Variants in FAM110D observed in about 807,000 individuals in gnomAD.
The protein encoded by FAM110D is protein FAM110D.
For missense variants in FAM110D, 376 were observed against 395.6 expected, an observed-to-expected ratio of 0.95 and a Z score of 0.42; for synonymous variants, 174 against 189.4, an observed-to-expected ratio of 0.92 and a Z score of 0.67.
chr1:26,160,053 A>G (rs2088347174), intron 1 of FAM110D, among the ~76,000 whole-genome samples: 1 of 151,390 alleles, frequency 6.6e-6, no homozygotes. Flanking sequence ...GTTTTATAGC[A>G]GCGGGAATAC....
At position 26,163,169 on chromosome 1, in the gene FAM110D, C is replaced by T. The variant is rs916017208; in HGVS notation, c.*1062C>T. ...AAAATAAAAAAAGAAAAGAAGGAAA[C>T]CTTTCCTGCCAGCCGGCAGGCTCCT... On this transcript the variant is annotated 3_prime_UTR_variant, in exon 2 of 2. Coordinates refer to ENST00000374268, the MANE Select transcript of FAM110D (RefSeq NM_024869.3). 7 of 152,066 alleles carry T rather than the reference C, an allele frequency of 4.6e-5. No homozygotes were observed. The highest frequency in any genetic ancestry group is 1.7e-4 in the African/African-American group (7 of 41,386). 9.4% of individuals were successfully genotyped at this position (152,066 alleles called of 1,614,324 possible).
In FAM110D at chr1:26,162,415, G is replaced by T; in HGVS notation, c.*308G>T. Reference sequence around the variant, plus strand: ...ATGGGGAGCTGAGGAAGGAGCAAACGGGTTTTCGCGGTTAAACCCGTGGGT... The same window carrying T: ...ATGGGGAGCTGAGGAAGGAGCAAACTGGTTTTCGCGGTTAAACCCGTGGGT... On this transcript the variant is annotated 3_prime_UTR_variant, in exon 2 of 2. Transcript: ENST00000374268. This position sits in a 1 kb window ranked among gnomAD's most constrained non-coding sequence, Gnocchi z 5.3. The T allele has an allele frequency of 4.1e-6, 1 of 244,816 alleles. No homozygotes were observed. The highest frequency in any genetic ancestry group is 8.4e-6 in the Non-Finnish European group (1 of 119,350). The allele number at this position is 244,816 out of a possible 1,614,324, so 15.2% of individuals were successfully genotyped here.
At position 26,161,492 on chromosome 1, in the gene FAM110D, C is replaced by T. The variant is rs757510682; in HGVS notation, c.201C>T (p.Pro67=). ...GGCCCCCTGCATCGCCCAGGACGCC[C>T]AGGCCGGTCCGCCGGGGAAGCGGCA... ...ELGPPASPRT[P]RPVRRGSGRR... is the part of the protein sequence containing the mutation. The change falls in exon 2 of 2, where the codon CCC becomes CCT. Residue 67 remains proline (P), a synonymous_variant. Transcript: ENST00000374268. This position sits in a 1 kb window ranked among gnomAD's most constrained non-coding sequence, Gnocchi z 5.4. The T allele has an allele frequency of 6.4e-7, 1 of 1,553,762 alleles. No individual in the cohort carries two copies. The highest frequency in any genetic ancestry group is 1.9e-5 in the Admixed American group (1 of 51,328).
rs2088362717 is a variant in FAM110D at position 26,161,168 on chromosome 1, G to A, written c.-80-44G>A. 1.0e-6 allele frequency: 1 copy of A among 978,378 alleles called. No individual in the cohort carries two copies. The highest frequency in any genetic ancestry group is 1.5e-6 in the Non-Finnish European group (1 of 671,566). The allele number at this position is 978,378 out of a possible 1,614,324, so 60.6% of individuals were successfully genotyped here. On this transcript the variant is annotated intron_variant, in intron 1 of 1. Transcript: ENST00000374268. The surrounding 1 kb of genome is among the most constrained non-coding windows in gnomAD (Gnocchi z 5.4). ...GAGGAATGCCGGCAGGAGAGGACCAGGGGCATTTCCTACCCTTCCCCTGAC... is the reference window on the plus strand; with the variant it reads ...GAGGAATGCCGGCAGGAGAGGACCAAGGGCATTTCCTACCCTTCCCCTGAC...
At chr1:26,160,915 C>T (rs924610227) in intron 1 of FAM110D, among the ~76,000 whole-genome samples, 2 of 152,242 alleles carry the variant, frequency 1.3e-5, no homozygotes, top group Non-Finnish European at 2.9e-5. Context: ...GGAATTGGGC[C>T]GGGACCAGCC....
In FAM110D at chr1:26,161,670, A is replaced by G; in HGVS notation, c.379A>G (p.Thr127Ala). The G allele has an allele frequency of 2.6e-6, 4 of 1,552,514 alleles. No homozygotes were observed. The highest frequency in any genetic ancestry group is 1.4e-5 in the African/African-American group (1 of 73,288). The change falls in exon 2 of 2, where the codon ACA (threonine) becomes GCA (alanine). Residue 127 changes from threonine (T) to alanine (A), a missense_variant. Physicochemically the swap from Thr to Ala is moderately conservative, Grantham distance 58 (BLOSUM62 0). Coordinates refer to ENST00000374268, the MANE Select transcript of FAM110D (RefSeq NM_024869.3). This position sits in a 1 kb window ranked among gnomAD's most constrained non-coding sequence, Gnocchi z 5.4. ...CGCTGCCCCGAGCAGCCCGGCCTCC[A>G]CAGAGCGACCTGCGGCTTCAGGGGG... ...RDAAPSSPAS[T>A]ERPAASGGWA...
intron 1 of FAM110D, among the ~76,000 whole-genome samples, chr1:26,160,777 G>C (rs1283982926): frequency 3.3e-5 from 5 of 152,202 alleles, no homozygotes; most frequent in Non-Finnish European, 7.3e-5. Flanking sequence ...TTATATCCCC[G>C]ACCTCGGTGT....
chr1:26,162,161 C>T lies in FAM110D; in HGVS notation c.*54C>T, dbSNP rs2088377242. 1.1e-5 allele frequency: 13 copies of T among 1,134,924 alleles called. No homozygotes were observed. The highest frequency in any genetic ancestry group is 1.5e-5 in the Non-Finnish European group (13 of 890,018). 70.3% of individuals were successfully genotyped at this position (1,134,924 alleles called of 1,614,324 possible). On this transcript the variant is annotated 3_prime_UTR_variant, in exon 2 of 2. Transcript: ENST00000374268. The surrounding 1 kb of genome is among the most constrained non-coding windows in gnomAD (Gnocchi z 5.3). ...CTGGCCCCGGGCACGGAAAAGGACA[C>T]CCCTCTTCTGGCGCGCTGGGTGCCT...
chr1:26,161,801 C>G lies in FAM110D; in HGVS notation c.510C>G (p.Gly170=), dbSNP rs1331903371. 3.9e-6 allele frequency: 6 copies of G among 1,550,148 alleles called. No individual in the cohort carries two copies. Among genetic ancestry groups the G allele is most frequent in the Non-Finnish European group, 5.2e-6 (6 of 1,147,928 alleles). ...SEKERFFNYC[G]LERALVEVLG... ...AGGAGCGCTTCTTCAACTACTGCGG[C>G]CTGGAGCGCGCGCTGGTGGAGGTGC... is the stretch of plus-strand genomic sequence containing the variant. Residue 170 remains glycine (G), a synonymous_variant, in exon 2 of 2, where the codon GGC becomes GGG. Coordinates refer to ENST00000374268, the MANE Select transcript of FAM110D (RefSeq NM_024869.3). The surrounding 1 kb of genome is among the most constrained non-coding windows in gnomAD (Gnocchi z 5.4).
chr1:26,161,089 G>A lies in FAM110D; in HGVS notation c.-80-123G>A. On this transcript the variant is annotated intron_variant, in intron 1 of 1. Transcript: ENST00000374268. The surrounding 1 kb of genome is among the most constrained non-coding windows in gnomAD (Gnocchi z 5.4). ...GGGATGGCCTGAGCCTCTGCTCCCT[G>A]GATGTGGCACCGGCTAACCTGGATG... 1.8e-6 allele frequency: 1 copy of A among 555,076 alleles called. No homozygotes were observed. Among genetic ancestry groups the A allele is most frequent in the South Asian group, 2.6e-5 (1 of 38,722 alleles). 34.4% of individuals were successfully genotyped at this position (555,076 alleles called of 1,614,324 possible). A position where few individuals can be genotyped will look rare whatever the true frequency, so the allele number is the denominator to read the frequency against.
chr1:26,161,096 G>A lies in FAM110D; in HGVS notation c.-80-116G>A. 1 of 564,750 alleles carries A rather than the reference G, an allele frequency of 1.8e-6. No homozygotes were observed. Among genetic ancestry groups the A allele is most frequent in the Non-Finnish European group, 3.1e-6 (1 of 324,768 alleles). The allele number at this position is 564,750 out of a possible 1,614,324, so 35.0% of individuals were successfully genotyped here. On this transcript the variant is annotated intron_variant, in intron 1 of 1. Transcript: ENST00000374268. The surrounding 1 kb of genome is among the most constrained non-coding windows in gnomAD (Gnocchi z 5.4). ...CCTGAGCCTCTGCTCCCTGGATGTG[G>A]CACCGGCTAACCTGGATGGGAGAGG...
chr1:26,161,857 G>C lies in FAM110D; in HGVS notation c.566G>C (p.Trp189Ser). The C allele has an allele frequency of 6.6e-7, 1 of 1,513,992 alleles. No homozygotes were observed. Among genetic ancestry groups the C allele is most frequent in the Non-Finnish European group, 8.8e-7 (1 of 1,134,892 alleles). The allele number at this position is 1,513,992 out of a possible 1,614,324, so 93.8% of individuals were successfully genotyped here. A position where few individuals can be genotyped will look rare whatever the true frequency, so the allele number is the denominator to read the frequency against. ...LGAERFSPQSWGADASPQAGT... is the reference protein window; with the variant it reads ...LGAERFSPQSSGADASPQAGT... ...GCAGAGCGCTTCTCCCCGCAGAGCT[G>C]GGGAGCCGACGCCAGCCCGCAGGCC... Residue 189 changes from tryptophan to serine, a missense_variant, in exon 2 of 2, where the codon TGG becomes TCG. By Grantham distance (177) the Trp-to-Ser change is radical. Coordinates refer to ENST00000374268, the MANE Select transcript of FAM110D (RefSeq NM_024869.3). The surrounding 1 kb of genome is among the most constrained non-coding windows in gnomAD (Gnocchi z 5.4).
chr1:26,159,947 C>T (rs2088345993), intron 1 of FAM110D, among the ~76,000 whole-genome samples: 1 of 151,970 alleles, frequency 6.6e-6, no homozygotes, highest in African/African-American at 2.4e-5. Context: ...ACCCTGGGGG[C>T]AAATTTCTGG....
rs2088378304 is a variant in FAM110D at position 26,162,295 on chromosome 1, G to C, written c.*188G>C. 3 of 394,672 alleles carry C rather than the reference G, an allele frequency of 7.6e-6. No homozygotes were observed. Among genetic ancestry groups the C allele is most frequent in the Non-Finnish European group, 1.4e-5 (3 of 218,044 alleles). The allele number at this position is 394,672 out of a possible 1,614,324, so 24.4% of individuals were successfully genotyped here. On this transcript the variant is annotated 3_prime_UTR_variant, in exon 2 of 2. Coordinates refer to ENST00000374268, the MANE Select transcript of FAM110D (RefSeq NM_024869.3). This position sits in a 1 kb window ranked among gnomAD's most constrained non-coding sequence, Gnocchi z 5.3. ...TGCTCCCGCGGCGAAGGGGGAGGGA[G>C]AGGCCTCTTGGTCCCTGTGGAGACC...
At position 26,161,217 on chromosome 1, in the gene FAM110D, T is replaced by G; in HGVS notation, c.-75T>G. 7.2e-7 allele frequency: 1 copy of G among 1,384,490 alleles called. No homozygotes were observed. The allele number at this position is 1,384,490 out of a possible 1,614,324, so 85.8% of individuals were successfully genotyped here. A position where few individuals can be genotyped will look rare whatever the true frequency, so the allele number is the denominator to read the frequency against. On this transcript the variant is annotated 5_prime_UTR_variant, in exon 2 of 2. Coordinates refer to ENST00000374268, the MANE Select transcript of FAM110D (RefSeq NM_024869.3). The surrounding 1 kb of genome is among the most constrained non-coding windows in gnomAD (Gnocchi z 5.4). ...ACCTTCCTCTCTCCCTGCAGGTCAGTGAGAGCCCAAGCCAATTGCTCTAGG... is the reference window on the plus strand; with the variant it reads ...ACCTTCCTCTCTCCCTGCAGGTCAGGGAGAGCCCAAGCCAATTGCTCTAGG...
At chr1:26,159,463 G>C (rs542721900) in intron 1 of FAM110D, among the ~76,000 whole-genome samples, 1 of 152,076 alleles carries the variant, frequency 6.6e-6, no homozygotes, top group South Asian at 2.1e-4. Flanking sequence ...GAAGAGGAGA[G>C]GACAGAGGGC....
At position 26,163,749 on chromosome 1, in the gene FAM110D, T is replaced by G. The variant is rs78461496; in HGVS notation, c.*1642T>G. On this transcript the variant is annotated 3_prime_UTR_variant, in exon 2 of 2. Coordinates refer to ENST00000374268, the MANE Select transcript of FAM110D (RefSeq NM_024869.3). ...GAGCTCCCAAGTACAGTCCTATTTT[T>G]GGGCCTCAATTTGTCACCTTTTGTG... is the stretch of plus-strand genomic sequence containing the variant. The G allele has an allele frequency of 0.014, 2,243 of 160,802 alleles. 21 individuals are homozygous for G. The highest frequency in any genetic ancestry group is 0.023 in the Non-Finnish European group (1,684 of 74,156). The allele number at this position is 160,802 out of a possible 1,614,324, so 10.0% of individuals were successfully genotyped here. A position where few individuals can be genotyped will look rare whatever the true frequency, so the allele number is the denominator to read the frequency against.
In FAM110D at chr1:26,162,016, C is replaced by G. The variant is rs868633560; in HGVS notation, c.725C>G (p.Pro242Arg). 7.3e-6 allele frequency: 9 copies of G among 1,237,472 alleles called. No homozygotes were observed. Among genetic ancestry groups the G allele is most frequent in the South Asian group, 3.9e-5 (1 of 25,600 alleles). 76.7% of individuals were successfully genotyped at this position (1,237,472 alleles called of 1,614,324 possible). A position where few individuals can be genotyped will look rare whatever the true frequency, so the allele number is the denominator to read the frequency against. ...GGCTCGGCGCGGGACCGGCGCCCCC[C>G]GGTGTCGGTGGTGGAGCGCAACGCG... ...AAGSARDRRPPVSVVERNARV... is the reference protein window; with the variant it reads ...AAGSARDRRPRVSVVERNARV... Residue 242 changes from proline to arginine, a missense_variant, in exon 2 of 2, where the codon CCG becomes CGG. Transcript: ENST00000374268. This position sits in a 1 kb window ranked among gnomAD's most constrained non-coding sequence, Gnocchi z 5.3.
In FAM110D at chr1:26,162,253, T is replaced by C. The variant is rs1440676705; in HGVS notation, c.*146T>C. 1.6e-5 allele frequency: 8 copies of C among 494,608 alleles called. No homozygotes were observed. The highest frequency in any genetic ancestry group is 2.3e-5 in the Non-Finnish European group (7 of 309,328). 30.6% of individuals were successfully genotyped at this position (494,608 alleles called of 1,614,324 possible). On this transcript the variant is annotated 3_prime_UTR_variant, in exon 2 of 2. Transcript: ENST00000374268. The surrounding 1 kb of genome is among the most constrained non-coding windows in gnomAD (Gnocchi z 5.3). ...ACCTTGGGGAGGTGGAACAAGTTGC[T>C]GCCGAAGGCCCTTCCCTGCTCCCGC...
Sources: allele counts gnomAD v4.1 joint callset (sites outside exome capture counted in the v4.1 genomes callset), GRCh38; gene constraint gnomAD v4.1.1; non-coding constraint Gnocchi (gnomAD v3.1); transcripts MANE v1.5; gene names NCBI Gene and HGNC (gene_info 2026-07-23, HGNC 2026-07-21).